PIWIL4: variants seen among roughly 807,000 people sequenced by gnomAD.
PIWIL4 encodes piwi-like protein 4.
A neutral mutation model predicts 100.9 loss-of-function variants in PIWIL4; 50 were observed. The ratio of observed to expected loss-of-function variants is 0.50; its 90% CI spans 0.39 to 0.63. The LOEUF (loss-of-function observed/expected upper bound fraction) is 0.63, where lower values mean the gene tolerates loss of function less well. Among genes scored for constraint, PIWIL4 ranks in the 20% least tolerant of loss-of-function variants. The pLI is 0.00. For missense variants in PIWIL4, 887 were observed against 1,043.3 expected, an observed-to-expected ratio of 0.85 and a Z score of 2.06; for synonymous variants, 342 against 367.5, an observed-to-expected ratio of 0.93 and a Z score of 0.79.
intron 12 of PIWIL4, among the ~76,000 whole-genome samples, chr11:94,602,522 C>T (rs956482474): frequency 7.2e-5 from 11 of 152,038 alleles, no homozygotes; most frequent in African/African-American, 2.7e-4. Flanking sequence ...TTATTGAGTA[C>T]TAATATGTGT....
intron 13 of PIWIL4, among the ~76,000 whole-genome samples, chr11:94,604,911 C>T (rs1948694949): frequency 6.6e-6 from 1 of 152,192 alleles, no homozygotes; most frequent in South Asian, 2.1e-4. Flanking sequence ...AGAGAATTCT[C>T]ACCCTAAGAG....
chr11:94,609,222 G>A (rs1340531773), intron 15 of PIWIL4, among the ~76,000 whole-genome samples: 1 of 152,178 alleles, frequency 6.6e-6, no homozygotes, highest in Non-Finnish European at 1.5e-5. Context: ...TCCACCCATA[G>A]TAAATACTCA....
chr11:94,592,053 T>C (rs187946457), intron 8 of PIWIL4, among the ~76,000 whole-genome samples: 1 of 152,276 alleles, frequency 6.6e-6, no homozygotes, highest in Non-Finnish European at 1.5e-5. Context: ...CAAGGTCCTC[T>C]CTTGGTCTCC....
intron 14 of PIWIL4, chr11:94,608,292 C>A: frequency 3.3e-6 from 1 of 306,282 alleles, no homozygotes; most frequent in East Asian, 7.0e-5. Context: ...GACCACACTC[C>A]CAGAATCTCT....
intron 15 of PIWIL4, among the ~76,000 whole-genome samples, chr11:94,614,972 T>C (rs1249603770): frequency 1.3e-5 from 2 of 152,176 alleles, no homozygotes; most frequent in African/African-American, 4.8e-5. Flanking sequence ...ATGCTTGCAC[T>C]CAACATCTGA....
At chr11:94,579,274 G>T (rs1311701594) in intron 4 of PIWIL4, among the ~76,000 whole-genome samples, 2 of 151,970 alleles carry the variant, frequency 1.3e-5, no homozygotes, top group Non-Finnish European at 2.9e-5. Context: ...TTTTTTTAAT[G>T]CAACCATTGG....
rs113975440 is a variant in PIWIL4 at position 94,586,692 on chromosome 11, G to C, written c.717-358G>C. Among the ~76,000 whole-genome samples, 419 of 152,232 alleles carry C rather than the reference G, an allele frequency of 2.8e-3. 5 individuals are homozygous for C. The highest frequency in any genetic ancestry group is 9.6e-3 in the African/African-American group (397 of 41,532). On this transcript the variant is annotated intron_variant, in intron 6 of 19. Transcript: ENST00000299001. ...TTTTGTATTGTCTGGAGACGTTTCT[G>C]GTTGTCACAGCTGGGAGGCTGCTAC...
chr11:94,575,642 T>A (rs1346866906), intron 3 of PIWIL4, among the ~76,000 whole-genome samples: 2 of 152,228 alleles, frequency 1.3e-5, no homozygotes, highest in African/African-American at 2.4e-5. Flanking sequence ...CCAAACTTTT[T>A]AAACCAAAAT....
intron 14 of PIWIL4, 170 bp from the exon 15 acceptor site, chr11:94,608,409 GTCTC>G: frequency 1.7e-6 from 1 of 573,986 alleles, no homozygotes; most frequent in Non-Finnish European, 3.1e-6. Context: ...CCTTCTTTAA[GTCTC>G]TCTCATTTCT....
At chr11:94,571,981 T>G (rs1161680733) in intron 2 of PIWIL4, among the ~76,000 whole-genome samples, 8 of 152,244 alleles carry the variant, frequency 5.3e-5, no homozygotes, top group African/African-American at 1.9e-4. Flanking sequence ...ATCGCCATTC[T>G]AACTGGTGTG....
chr11:94,576,286 C>T (rs1474323210), intron 3 of PIWIL4, among the ~76,000 whole-genome samples: 1 of 152,164 alleles, frequency 6.6e-6, no homozygotes, highest in African/African-American at 2.4e-5. Context: ...AGGCATGGGC[C>T]ACCATGCCCA....
chr11:94,607,280 A>G (rs1006298523), intron 13 of PIWIL4, among the ~76,000 whole-genome samples, 159 bp from the exon 14 acceptor site: 2 of 152,186 alleles, frequency 1.3e-5, no homozygotes, highest in Non-Finnish European at 2.9e-5. Context: ...CAGTGTTTTA[A>G]TGGCCATTTA....
Position 94,614,337 on chromosome 11 carries a change from C to T in PIWIL4, c.1944-2156C>T, listed in dbSNP as rs368028600. 4.8e-4 allele frequency among the ~76,000 whole-genome samples: 57 copies of T among 118,806 alleles called. 1 individual carries two copies. Among genetic ancestry groups the T allele is most frequent in the East Asian group, 3.5e-3 (14 of 3,978 alleles). The allele number at this position is 118,806 out of a possible 152,430, so 77.9% of individuals were successfully genotyped here. A position where few individuals can be genotyped will look rare whatever the true frequency, so the allele number is the denominator to read the frequency against. On this transcript the variant is annotated intron_variant, in intron 15 of 19. Coordinates refer to ENST00000299001, the MANE Select transcript of PIWIL4 (RefSeq NM_152431.3). ...TTTTTTCCTTTTTGAGATAGAGTTTCGCTCTTGTCACGCAGGCTGGAGTGT... is the reference window on the plus strand; with the variant it reads ...TTTTTTCCTTTTTGAGATAGAGTTTTGCTCTTGTCACGCAGGCTGGAGTGT...
At chr11:94,603,234 A>T (rs912377161) in intron 12 of PIWIL4, among the ~76,000 whole-genome samples, 12 of 152,158 alleles carry the variant, frequency 7.9e-5, no homozygotes, top group African/African-American at 2.9e-4. Flanking sequence ...TAGGTCTGTT[A>T]GTATCTGCAG....
At chr11:94,598,363 G>T (rs563280870) in intron 11 of PIWIL4, among the ~76,000 whole-genome samples, 1 of 152,070 alleles carries the variant, frequency 6.6e-6, no homozygotes, top group African/African-American at 2.4e-5. Flanking sequence ...TTAATCTTTC[G>T]AAATAAAACA....
chr11:94,568,856 A>G (rs771820676), intron 2 of PIWIL4, 48 bp downstream of exon 2: 5 of 1,492,340 alleles, frequency 3.4e-6, no homozygotes, highest in African/African-American at 2.8e-5. Flanking sequence ...ACCTGAATGG[A>G]GCAAGAGGAG....
Position 94,601,796 on chromosome 11 carries a change from G to A in PIWIL4, c.1382G>A (p.Cys461Tyr), listed in dbSNP as rs1172752306. 2 of 1,613,128 alleles carry A rather than the reference G, an allele frequency of 1.2e-6. No homozygotes were observed. Among genetic ancestry groups the A allele is most frequent in the Non-Finnish European group, 1.7e-6 (2 of 1,179,538 alleles). The stretch of plus-strand genomic sequence containing the variant: ...TTTCATGATCATTATTTTTCTCAGT[G>A]TCAACCTGTGTCTGCTGCTGACTGG... ...SEKILMQDHI[C>Y]QPVSAADWSK... Residue 461 changes from cysteine to tyrosine, a missense_variant and splice_region_variant, in exon 12 of 20, where the codon TGT becomes TAT. Coordinates refer to ENST00000299001, the MANE Select transcript of PIWIL4 (RefSeq NM_152431.3).
intron 2 of PIWIL4, among the ~76,000 whole-genome samples, chr11:94,573,362 A>T (rs191267229): frequency 1.3e-5 from 2 of 152,118 alleles, no homozygotes; most frequent in African/African-American, 4.8e-5. Flanking sequence ...TCCCTGTCTT[A>T]TGCCAGTTTT....
At position 94,571,929 on chromosome 11, in the gene PIWIL4, C is replaced by G. The variant is rs180818046; in HGVS notation, c.167-3070C>G. On this transcript the variant is annotated intron_variant, in intron 2 of 19. Transcript: ENST00000299001. ...AGTGTAAAAGTGTTCCTATATTTCC[C>G]CACATCCTCTCCAGCACCTGTGGTT... Among the ~76,000 whole-genome samples, 398 of 152,282 alleles carry G rather than the reference C, an allele frequency of 2.6e-3. 7 individuals are homozygous for G. The East Asian group carries it at 0.034, about 13-fold the overall frequency.
Sources: gnomAD v4.1 joint callset for allele counts (sites outside exome capture counted in the v4.1 genomes callset) on GRCh38, gnomAD v4.1.1 for gene constraint, MANE v1.5 for transcripts, NCBI Gene and HGNC (gene_info 2026-07-23, HGNC 2026-07-21) for gene names.